The following FKBP5 variants were observed in gnomAD, a reference collection of about 807,000 sequenced individuals.
FKBP5 encodes the protein peptidyl-prolyl cis-trans isomerase FKBP5.
FKBP5 carries 23 observed loss-of-function variants against 50.5 expected under a neutral mutation model. That is an observed-to-expected ratio of 0.46 (90% CI 0.33 to 0.65). The LOEUF (loss-of-function observed/expected upper bound fraction) is 0.65. FKBP5 is among the 30% of genes least tolerant of loss of function. The pLI is 0.02. For missense variants in FKBP5, 411 were observed against 553.1 expected, an observed-to-expected ratio of 0.74 and a Z score of 2.58; for synonymous variants, 176 against 190.6, an observed-to-expected ratio of 0.92 and a Z score of 0.63.
intron 1 of FKBP5, among the ~76,000 whole-genome samples, chr6:35,644,474 T>C (rs997429789): frequency 6.6e-6 from 1 of 152,166 alleles, no homozygotes; most frequent in African/African-American, 2.4e-5. Flanking sequence ...TGACCACTAT[T>C]CAGTTCAACA....
rs184622599 is a variant in FKBP5, at chr6:35,704,937, C to T, written c.-20+15391G>A. 3.7e-3 allele frequency among the ~76,000 whole-genome samples: 566 copies of T among 151,390 alleles called. 2 individuals carry two copies. The highest frequency in any genetic ancestry group is 0.011 in the African/African-American group (438 of 41,308). ...CGGGCGGATCACGAGGTCAGGAAAT[C>T]GAGACCATCCTGGGTAACACGGTGA... On this transcript the variant is annotated intron_variant, in intron 2 of 11. Transcript: ENST00000536438.
chr6:35,721,947 C>G (rs1196598330), intron 1 of FKBP5, among the ~76,000 whole-genome samples: 1 of 152,170 alleles, frequency 6.6e-6, no homozygotes, highest in Non-Finnish European at 1.5e-5. Flanking sequence ...TCTTTCTTGC[C>G]TTGAGGACTT....
rs112014808 is a variant in FKBP5 at position 35,576,892 on chromosome 6, G to A, written c.1266+102C>T. The A allele has an allele frequency of 2.8e-3, 4,012 of 1,417,348 alleles. 55 individuals carry two copies. The African/African-American group carries it at 0.038, about 13-fold the overall frequency. 87.8% of individuals were successfully genotyped at this position (1,417,348 alleles called of 1,614,324 possible). A position where few individuals can be genotyped will look rare whatever the true frequency, so the allele number is the denominator to read the frequency against. ...GATTAGATTGGAAATCGTTTTCCCT[G>A]CTCTTGAGCCTCTTGGGTTGTTTAG... On this transcript the variant is annotated intron_variant, in intron 10 of 10. Coordinates refer to ENST00000357266, the MANE Select transcript of FKBP5 (RefSeq NM_004117.4).
intron 8 of FKBP5, chr6:35,586,606 CAAAAAAAA>C: frequency 1.3e-6 from 1 of 794,656 alleles, no homozygotes; most frequent in Admixed American, 8.1e-5. Flanking sequence ...GTCTCTCATA[CAAAAAAAA>C]AAAAAGGAAG....
At chr6:35,622,843 T>C (rs1001068275) in intron 3 of FKBP5, among the ~76,000 whole-genome samples, 1 of 152,256 alleles carries the variant, frequency 6.6e-6, no homozygotes, top group African/African-American at 2.4e-5. Context: ...TGCCCTTTAC[T>C]ATCTGTGTAA....
intron 1 of FKBP5, among the ~76,000 whole-genome samples, chr6:35,646,349 T>A (rs1764629929): frequency 6.6e-6 from 1 of 152,076 alleles, no homozygotes; most frequent in Non-Finnish European, 1.5e-5. Context: ...TAGTACTGAG[T>A]CCATATGAAG....
chr6:35,601,007 A>G (rs1446178452), intron 5 of FKBP5, among the ~76,000 whole-genome samples: 1 of 152,260 alleles, frequency 6.6e-6, no homozygotes, highest in Admixed American at 6.5e-5. Flanking sequence ...TAACAAAGGC[A>G]TAATTAAGAA....
At chr6:35,640,334 ATTTGTGTATCTAAGCATATC>A (rs1764447413) in intron 2 of FKBP5, among the ~76,000 whole-genome samples, 1 of 152,218 alleles carries the variant, frequency 6.6e-6, no homozygotes, top group African/African-American at 2.4e-5. Context: ...AAACAGTGGT[ATTTGTGTATCTAAGCATATC>A]TCAACATAGA....
At chr6:35,653,474 C>T (rs1764868585) in intron 1 of FKBP5, among the ~76,000 whole-genome samples, 1 of 152,126 alleles carries the variant, frequency 6.6e-6, no homozygotes, top group East Asian at 1.9e-4. Context: ...CATATGATGG[C>T]TTTTTGTTTT....
At chr6:35,639,306 T>C (rs1026450097) in intron 2 of FKBP5, among the ~76,000 whole-genome samples, 2 of 152,214 alleles carry the variant, frequency 1.3e-5, no homozygotes, top group African/African-American at 4.8e-5. Context: ...TTGCCCTAGC[T>C]TGCACAGTTA....
At chr6:35,649,488 T>A (rs767894213) in intron 1 of FKBP5, among the ~76,000 whole-genome samples, 29 of 151,790 alleles carry the variant, frequency 1.9e-4, no homozygotes, top group Non-Finnish European at 3.1e-4. Context: ...TGGCATTTTG[T>A]GTAACCTCTA....
intron 1 of FKBP5, among the ~76,000 whole-genome samples, chr6:35,676,728 G>A (rs893968954): frequency 6.6e-6 from 1 of 152,106 alleles, no homozygotes. Context: ...TATCCCCAAA[G>A]TCAGTAATTA....
At chr6:35,591,278 C>T (rs1762812826) in intron 6 of FKBP5, 58 bp from the exon 7 acceptor site, 3 of 1,207,688 alleles carry the variant, frequency 2.5e-6, no homozygotes, top group Non-Finnish European at 2.4e-6. Context: ...CCAGGCACTT[C>T]CTTCAGTATT....
At chr6:35,683,480 T>A (rs987683564) in intron 1 of FKBP5, among the ~76,000 whole-genome samples, 5 of 151,568 alleles carry the variant, frequency 3.3e-5, no homozygotes, top group African/African-American at 4.8e-5. Flanking sequence ...CTTTTTTTTT[T>A]ATTGAGATGG....
chr6:35,630,138 AAGAG>A (rs755392500), intron 3 of FKBP5, among the ~76,000 whole-genome samples: 53 of 151,598 alleles, frequency 3.5e-4, no homozygotes, highest in Non-Finnish European at 4.7e-4. Flanking sequence ...TCTGGAGAGA[AAGAG>A]AGAGAGAAAG....
At chr6:35,673,271 T>G (rs913806400) in intron 1 of FKBP5, among the ~76,000 whole-genome samples, 12 of 152,200 alleles carry the variant, frequency 7.9e-5, no homozygotes, top group African/African-American at 2.9e-4. Flanking sequence ...AGAGATTGGC[T>G]GGGTGCCGTG....
intron 1 of FKBP5, among the ~76,000 whole-genome samples, chr6:35,726,123 A>T (rs562047281): frequency 1.4e-4 from 21 of 152,344 alleles, no homozygotes; most frequent in African/African-American, 4.8e-4. Context: ...TCACTTGGAT[A>T]CTGACTGGAA....
At chr6:35,683,632 ATTTTTTT>A (rs777451189) in intron 1 of FKBP5, among the ~76,000 whole-genome samples, 1 of 109,364 alleles carries the variant, frequency 9.1e-6, no homozygotes, top group African/African-American at 3.3e-5. Flanking sequence ...TGACTGGCTA[ATTTTTTT>A]TTTTTTTTTT....
intron 1 of FKBP5, among the ~76,000 whole-genome samples, chr6:35,678,753 A>G (rs1468674224): frequency 6.6e-6 from 1 of 152,112 alleles, no homozygotes; most frequent in Non-Finnish European, 1.5e-5. Flanking sequence ...CAATACTACC[A>G]CTGTTTTATG....
Sources: allele counts gnomAD v4.1 joint callset (sites outside exome capture counted in the v4.1 genomes callset), GRCh38; gene constraint gnomAD v4.1.1; transcripts MANE v1.5; gene names NCBI Gene and HGNC (gene_info 2026-07-23, HGNC 2026-07-21).